SPATA6L: variants seen among roughly 807,000 people sequenced by gnomAD.
The protein encoded by SPATA6L is spermatogenesis associated 6-like protein.
A neutral mutation model predicts 49.2 loss-of-function variants in SPATA6L; 68 were observed. That is an observed-to-expected ratio of 1.38 (90% CI 1.14 to 1.69). SPATA6L has a LOEUF of 1.69. SPATA6L is among the 40% of genes most tolerant of loss of function. SPATA6L has a pLI of 0.00. For synonymous variants in SPATA6L, 198 were observed against 165.7 expected, an observed-to-expected ratio of 1.19 and a Z score of -1.50; for missense variants, 668 against 464.3, an observed-to-expected ratio of 1.44 and a Z score of -4.03.
At position 4,599,936 on chromosome 9, in the gene SPATA6L, A is replaced by T. The variant is rs962492883; in HGVS notation, c.*875T>A. ...GGCCCCTCTTCTCTGGGTCTGTATC[A>T]ATGAAGACAAATGTGCCTCTAGTCT... On this transcript the variant is annotated 3_prime_UTR_variant, in exon 12 of 12. Transcript: ENST00000682582. 3.3e-5 allele frequency among the ~76,000 whole-genome samples: 5 copies of T among 152,312 alleles called. No individual in the cohort carries two copies. Among genetic ancestry groups the T allele is most frequent in the South Asian group, 2.1e-4 (1 of 4,824 alleles).
intron 11 of SPATA6L, among the ~76,000 whole-genome samples, chr9:4,601,985 C>G (rs1823415490): frequency 6.6e-6 from 1 of 152,160 alleles, no homozygotes; most frequent in South Asian, 2.1e-4. Flanking sequence ...AATGACCCTC[C>G]AGGATCCCAG....
chr9:4,654,096 G>A (rs949443168), intron 3 of SPATA6L, among the ~76,000 whole-genome samples: 2 of 152,098 alleles, frequency 1.3e-5, no homozygotes, highest in South Asian at 2.1e-4. Context: ...AAACAATGAC[G>A]AGATACCACT....
At chr9:4,589,110 C>T (rs1048226014) in intron 13 of SPATA6L, 6 of 152,236 alleles carry the variant, frequency 3.9e-5, no homozygotes, top group Non-Finnish European at 8.8e-5. Context: ...TCCTTACCAG[C>T]TTTGTGTCCC....
At position 4,663,011 on chromosome 9, in the gene SPATA6L, G is replaced by A. The variant is rs374634473; in HGVS notation, c.40-975C>T. On this transcript the variant is annotated intron_variant, in intron 1 of 11. Coordinates refer to ENST00000682582, the MANE Select transcript of SPATA6L (RefSeq NM_001353486.2). ...CGGTGGACAAGTACTCCTTCCCCTC[G>A]GGCCATGCCACAAGGGCCGCCCTGA... The A allele has an allele frequency of 1.2e-5, 19 of 1,613,346 alleles. No individual in the cohort carries two copies. In the African/African-American group the frequency reaches 2.3e-4, roughly 19 times the overall value.
intron 4 of SPATA6L, 105 bp from the exon 5 acceptor site, chr9:4,629,273 G>T: frequency 2.9e-6 from 2 of 684,890 alleles, no homozygotes; most frequent in South Asian, 3.7e-5. Flanking sequence ...CTTCTGTGTG[G>T]CATAATCCAC....
chr9:4,610,818 G>C (rs1826531756), intron 9 of SPATA6L, among the ~76,000 whole-genome samples: 1 of 152,124 alleles, frequency 6.6e-6, no homozygotes. Context: ...CAACTAAACA[G>C]CTTCTGCACA....
At position 4,605,346 on chromosome 9, in the gene SPATA6L, C is replaced by A. The variant is rs190723759; in HGVS notation, c.1089+1G>T. On this transcript the variant is annotated splice_donor_variant, in intron 10 of 11. Transcript: ENST00000682582. LOFTEE classifies it high-confidence loss of function. ...GATCTAGTTTTATAAGAAAGTCTAACCTTGTTTTGGTGCAGCTGTGCTCTG... is the reference window on the plus strand; with the variant it reads ...GATCTAGTTTTATAAGAAAGTCTAAACTTGTTTTGGTGCAGCTGTGCTCTG... The A allele has an allele frequency of 1.2e-5, 19 of 1,612,180 alleles. No individual in the cohort carries two copies. The Admixed American group carries it at 2.3e-4, about 20-fold the overall frequency.
chr9:4,644,779 G>A (rs531213281), intron 3 of SPATA6L, among the ~76,000 whole-genome samples: 259 of 151,966 alleles, frequency 1.7e-3, no homozygotes, highest in Non-Finnish European at 3.0e-3. Context: ...GGCTATTTAT[G>A]AGAATTGGTG....
downstream of SPATA6L, among the ~76,000 whole-genome samples, chr9:4,595,910 C>A (rs539571137): frequency 6.6e-6 from 1 of 152,202 alleles, no homozygotes; most frequent in South Asian, 2.1e-4. Flanking sequence ...CAGCTTCAGA[C>A]CAGCTTTATG....
intron 4 of SPATA6L, among the ~76,000 whole-genome samples, chr9:4,629,567 T>G (rs1240577378): frequency 6.6e-6 from 1 of 151,936 alleles, no homozygotes; most frequent in Non-Finnish European, 1.5e-5. Context: ...TTGAATGAGA[T>G]TACCTAGAGA....
At chr9:4,656,257 G>T (rs564877246) in intron 2 of SPATA6L, among the ~76,000 whole-genome samples, 168 bp from the exon 3 acceptor site, 1 of 152,212 alleles carries the variant, frequency 6.6e-6, no homozygotes, top group Admixed American at 6.5e-5. Context: ...TGGGCAACAT[G>T]GTGAAACCCT....
intron 9 of SPATA6L, among the ~76,000 whole-genome samples, chr9:4,609,008 C>A (rs1346333127): frequency 2.0e-5 from 3 of 151,504 alleles, no homozygotes; most frequent in Non-Finnish European, 4.4e-5. Flanking sequence ...TCAGAGAATA[C>A]TACAAACACC....
chr9:4,627,269 A>C (rs1830527944), intron 5 of SPATA6L: 1 of 154,094 alleles, frequency 6.5e-6, no homozygotes. Flanking sequence ...AACACTGAAA[A>C]ATTGCTATGA....
intron 4 of SPATA6L, chr9:4,633,428 G>A (rs1832063546): frequency 6.5e-6 from 1 of 154,924 alleles, no homozygotes; most frequent in South Asian, 2.0e-4. Context: ...CTTGTCACCT[G>A]GGGCCCAAAA....
At chr9:4,604,333 G>T in intron 10 of SPATA6L, 64 bp from the exon 11 acceptor site, 2 of 1,104,836 alleles carry the variant, frequency 1.8e-6, no homozygotes, top group Non-Finnish European at 2.7e-6. Flanking sequence ...ATGATACCCA[G>T]ATGTGTAGTT....
downstream of SPATA6L, among the ~76,000 whole-genome samples, chr9:4,597,627 G>T (rs1054352972): frequency 2.0e-5 from 3 of 152,146 alleles, no homozygotes; most frequent in African/African-American, 7.2e-5. Flanking sequence ...GCCATAATTT[G>T]GTGCCCCTAG....
At chr9:4,639,825 T>C (rs1015499364) in intron 3 of SPATA6L, among the ~76,000 whole-genome samples, 1 of 152,236 alleles carries the variant, frequency 6.6e-6, no homozygotes, top group African/African-American at 2.4e-5. Context: ...TTTTAGAGCA[T>C]GTCAGAATTG....
intron 4 of SPATA6L, 44 bp from the exon 5 acceptor site, chr9:4,629,212 G>C (rs1488382587): frequency 4.3e-6 from 6 of 1,380,654 alleles, no homozygotes; most frequent in Non-Finnish European, 4.0e-6. Context: ...ACTAGAAACA[G>C]TTCTTTAGCC....
chr9:4,598,429 T>C lies in SPATA6L; in HGVS notation c.*2382A>G, dbSNP rs1025578225. 2.6e-5 allele frequency among the ~76,000 whole-genome samples: 4 copies of C among 152,132 alleles called. No homozygotes were observed. Among genetic ancestry groups the C allele is most frequent in the Non-Finnish European group, 5.9e-5 (4 of 68,036 alleles). ...CAAAAGCAAAATACTTCAACTGCAATCCTTGCCCCAGCATGATTCCTCAAA... is the reference window on the plus strand; with the variant it reads ...CAAAAGCAAAATACTTCAACTGCAACCCTTGCCCCAGCATGATTCCTCAAA... On this transcript the variant is annotated 3_prime_UTR_variant, in exon 12 of 12. Coordinates refer to ENST00000682582, the MANE Select transcript of SPATA6L (RefSeq NM_001353486.2).
Sources: gnomAD v4.1 joint callset for allele counts (sites outside exome capture counted in the v4.1 genomes callset) on GRCh38, gnomAD v4.1.1 for gene constraint, MANE v1.5 for transcripts, NCBI Gene and HGNC (gene_info 2026-07-23, HGNC 2026-07-21) for gene names.